Variants in CD300C observed in about 807,000 individuals in gnomAD.
The protein encoded by CD300C is CD300c molecule, also known as CMRF35-like molecule 6.
A neutral mutation model predicts 18.4 loss-of-function variants in CD300C; 11 were observed. The ratio of observed to expected loss-of-function variants is 0.60; its 90% CI spans 0.38 to 0.99. CD300C has a LOEUF of 0.99. Among genes scored for constraint, CD300C ranks in the 50% least tolerant of loss-of-function variants. CD300C has a pLI of 0.01. For synonymous variants in CD300C, 116 were observed against 116.3 expected (o/e 1.00, Z 0.02); for missense variants, 277 against 287.4 (o/e 0.96, Z 0.26).
chr17:74,540,197 G>A (rs139300526), downstream of CD300C, among the ~76,000 whole-genome samples: 39 of 152,146 alleles, frequency 2.6e-4, 1 homozygote, highest in East Asian at 7.0e-3. Flanking sequence ...TCTGCCTCAG[G>A]GCTCCTCCTC....
intron 1 of CD300C, among the ~76,000 whole-genome samples, 160 bp downstream of exon 1, chr17:74,545,562 C>G (rs1181889418): frequency 6.6e-6 from 1 of 152,174 alleles, no homozygotes; most frequent in Non-Finnish European, 1.5e-5. Context: ...GCCTGCTGTC[C>G]CCTGGTGAGG....
At position 74,542,902 on chromosome 17, in the gene CD300C, G is replaced by T. The variant is rs756176843; in HGVS notation, c.486C>A (p.Ser162Arg). ...GTTCGGGGCTGTCCTTTCTGGTCAC[G>T]CTGGGCCAGGTGTGCACGGGCAGCT... is the stretch of plus-strand genomic sequence containing the variant. ...PTKLPVHTWP[S>R]VTRKDSPEPS... is the part of the protein sequence containing the mutation. The change falls in exon 3 of 4, where the codon AGC (serine) becomes AGA (arginine). Residue 162 changes from serine (S) to arginine (R), a missense_variant. Ser to Arg is a moderately radical substitution (Grantham distance 110). Coordinates refer to ENST00000330793, the MANE Select transcript of CD300C (RefSeq NM_006678.5). 6.2e-7 allele frequency: 1 copy of T among 1,611,334 alleles called. No individual in the cohort carries two copies. Among genetic ancestry groups the T allele is most frequent in the Non-Finnish European group, 8.5e-7 (1 of 1,179,994 alleles).
At chr17:74,543,549 C>T (rs1010651833) in intron 2 of CD300C, among the ~76,000 whole-genome samples, 12 of 152,304 alleles carry the variant, frequency 7.9e-5, no homozygotes, top group Middle Eastern at 3.4e-3. Flanking sequence ...GAAGCCTGGG[C>T]GGCGGCCCGT....
chr17:74,543,055 G>C (rs1568006823), intron 2 of CD300C, 68 bp from the exon 3 acceptor site: 2 of 1,591,250 alleles, frequency 1.3e-6, no homozygotes, highest in East Asian at 4.5e-5. Flanking sequence ...CACCTGTTCT[G>C]CTCCAATTTT....
At chr17:74,545,633 C>G (rs1470528661) in intron 1 of CD300C, 89 bp downstream of exon 1, 2 of 1,074,304 alleles carry the variant, frequency 1.9e-6, no homozygotes, top group African/African-American at 3.1e-5. Context: ...CCCCACTCCC[C>G]TCTATGACCG....
the CD300C span, among the ~76,000 whole-genome samples, chr17:74,535,122 C>G: frequency 6.6e-6 from 1 of 152,194 alleles, no homozygotes; most frequent in East Asian, 1.9e-4. Flanking sequence ...CAGTAAGGAT[C>G]AATTGTTTAT....
downstream of CD300C, among the ~76,000 whole-genome samples, chr17:74,536,559 GACAA>G (rs1194673660): frequency 6.8e-6 from 1 of 146,106 alleles, no homozygotes; most frequent in Non-Finnish European, 1.5e-5. Flanking sequence ...AAAGAACACA[GACAA>G]ACAACAGAAA....
At chr17:74,544,582 C>G in intron 2 of CD300C, 27 bp downstream of exon 2, 1 of 1,594,158 alleles carries the variant, frequency 6.3e-7, no homozygotes, top group Non-Finnish European at 8.6e-7. Flanking sequence ...TCAGGCAGGC[C>G]TGGTGCTGAG....
the CD300C span, among the ~76,000 whole-genome samples, chr17:74,535,096 G>A: frequency 6.6e-6 from 1 of 152,166 alleles, no homozygotes; most frequent in African/African-American, 2.4e-5. Context: ...TTGCAGAGTT[G>A]CTAAATATAT....
downstream of CD300C, among the ~76,000 whole-genome samples, chr17:74,538,221 C>T (rs888717396): frequency 6.6e-6 from 1 of 152,130 alleles, no homozygotes; most frequent in Non-Finnish European, 1.5e-5. Flanking sequence ...TGTTGCTTGG[C>T]GCGGTATTGA....
chr17:74,545,584 CG>C, intron 1 of CD300C, 137 bp downstream of exon 1: 1 of 656,338 alleles, frequency 1.5e-6, no homozygotes, highest in Non-Finnish European at 2.7e-6. Flanking sequence ...AGCTGCTGAC[CG>C]CTCCTGGGTG....
intron 1 of CD300C, 86 bp from the exon 2 acceptor site, chr17:74,545,033 G>C: frequency 7.7e-7 from 1 of 1,294,508 alleles, no homozygotes; most frequent in South Asian, 1.4e-5. Context: ...TGGACCCTGG[G>C]CGTGTGGAGA....
chr17:74,539,808 A>G (rs948652296), downstream of CD300C, among the ~76,000 whole-genome samples: 1 of 152,064 alleles, frequency 6.6e-6, no homozygotes, highest in Non-Finnish European at 1.5e-5. Context: ...CTCATGACCC[A>G]TTTCACATTT....
intron 2 of CD300C, among the ~76,000 whole-genome samples, chr17:74,544,136 G>A (rs2143151565): frequency 6.6e-6 from 1 of 152,314 alleles, no homozygotes; most frequent in East Asian, 1.9e-4. Context: ...AGCCTTGAGT[G>A]AGAGGAGCCA....
rs146240214 is a variant in CD300C at position 74,545,344 on chromosome 17, G to A, written c.61+378C>T. On this transcript the variant is annotated intron_variant, in intron 1 of 3. Coordinates refer to ENST00000330793, the MANE Select transcript of CD300C (RefSeq NM_006678.5). ...TGTGTGACTGTGTGCATGTGTGTGT[G>A]AGACTGTGTGAGTGTGACTGTGTGT... 2.8e-3 allele frequency among the ~76,000 whole-genome samples: 420 copies of A among 151,778 alleles called. 2 individuals are homozygous for A. The highest frequency in any genetic ancestry group is 9.7e-3 in the African/African-American group (403 of 41,376).
rs1908686970 is a variant in CD300C at position 74,544,686 on chromosome 17, T to C, written c.323A>G (p.Tyr108Cys). ...ENLTEEDAGTYWCGVDTPWLR... is the reference protein window; with the variant it reads ...ENLTEEDAGTCWCGVDTPWLR... ...CCACGGTGTATCCACCCCACACCAG[T>C]AGGTGCCTGCGTCCTCCTCTGTGAG... The change falls in exon 2 of 4, where the codon TAC (tyrosine) becomes TGC (cysteine). Residue 108 changes from tyrosine to cysteine, a missense_variant. Coordinates refer to ENST00000330793, the MANE Select transcript of CD300C (RefSeq NM_006678.5). The C allele has an allele frequency of 1.2e-6, 2 of 1,614,078 alleles. No individual in the cohort carries two copies. Among genetic ancestry groups the C allele is most frequent in the South Asian group, 2.2e-5 (2 of 91,084 alleles).
rs576869904 is a variant in CD300C at position 74,541,368 on chromosome 17, C to A, written c.*221G>T. 1 of 503,850 alleles carries A rather than the reference C, an allele frequency of 2.0e-6. No homozygotes were observed. The highest frequency in any genetic ancestry group is 3.6e-6 in the Non-Finnish European group (1 of 275,592). 31.2% of individuals were successfully genotyped at this position (503,850 alleles called of 1,614,324 possible). ...GCTGACGGCCCGAGGCTTAGCTGGC[C>A]GGGGCGTGCACATGAGACGTGGACT... On this transcript the variant is annotated 3_prime_UTR_variant, in exon 4 of 4. Coordinates refer to ENST00000330793, the MANE Select transcript of CD300C (RefSeq NM_006678.5).
chr17:74,541,510 G>A lies in CD300C; in HGVS notation c.*79C>T, dbSNP rs756554634. On this transcript the variant is annotated 3_prime_UTR_variant, in exon 4 of 4. Transcript: ENST00000330793. The stretch of plus-strand genomic sequence containing the variant: ...CCAGGAGATGTGGAGAGAGCAGCCC[G>A]GGAGGGAGTGGTCAGGAGGTCATTC... 7.4e-5 allele frequency: 70 copies of A among 948,414 alleles called. No individual in the cohort carries two copies. The highest frequency in any genetic ancestry group is 4.4e-4 in the South Asian group (34 of 76,710). The allele number at this position is 948,414 out of a possible 1,614,324, so 58.7% of individuals were successfully genotyped here. A position where few individuals can be genotyped will look rare whatever the true frequency, so the allele number is the denominator to read the frequency against.
downstream of CD300C, among the ~76,000 whole-genome samples, chr17:74,539,279 C>T (rs1374827378): frequency 2.6e-5 from 4 of 152,156 alleles, no homozygotes; most frequent in African/African-American, 4.8e-5. Context: ...CCTTCATTTA[C>T]ACTCTCAGGG....
Sources: gnomAD v4.1 joint callset for allele counts (sites outside exome capture counted in the v4.1 genomes callset) on GRCh38, gnomAD v4.1.1 for gene constraint, MANE v1.5 for transcripts, NCBI Gene and HGNC (gene_info 2026-07-23, HGNC 2026-07-21) for gene names.